WDR44: variants seen among roughly 807,000 people sequenced by gnomAD.
The protein encoded by WDR44 is WD repeat domain 44.
A neutral mutation model predicts 65.7 loss-of-function variants in WDR44; 9 were observed. That is an observed-to-expected ratio of 0.14 (90% CI 0.08 to 0.24). The LOEUF (loss-of-function observed/expected upper bound fraction) is 0.24, where lower values mean the gene tolerates loss of function less well. WDR44 is among the 10% of genes least tolerant of loss of function. The pLI, the probability that WDR44 is intolerant of heterozygous loss-of-function variation, is 1.00. For synonymous variants in WDR44, 220 were observed against 235.2 expected, an observed-to-expected ratio of 0.94 and a Z score of 0.59; for missense variants, 425 against 670.9, an observed-to-expected ratio of 0.63 and a Z score of 4.05.
Position 118,392,628 on chromosome X carries a change from T to A in WDR44, c.187-4T>A. On this transcript the variant is annotated splice_region_variant and splice_polypyrimidine_tract_variant and intron_variant, in intron 3 of 19. Transcript: ENST00000254029. ...TTAAAAACTACTTTTAACCCTTTCA[T>A]CAGATTATTGAAAGTATTATTGAGG... The A allele has an allele frequency of 8.5e-7, 1 of 1,179,030 alleles. No homozygotes were observed. The highest frequency in any genetic ancestry group is 1.1e-6 in the Non-Finnish European group (1 of 877,970).
In WDR44 at chrX:118,361,950, A is replaced by C. The variant is rs2056516024; in HGVS notation, c.77+15370A>C. ...CTATGAAAAACCAAGTTAGATTCCT[A>C]CTAGTCAGCCACGTCAGTAGCTGAT... On this transcript the variant is annotated intron_variant, in intron 1 of 19. Coordinates refer to ENST00000254029, the MANE Select transcript of WDR44 (RefSeq NM_019045.5). 2.7e-5 allele frequency among the ~76,000 whole-genome samples: 3 copies of C among 112,385 alleles called. No homozygotes were observed. In the South Asian group the frequency reaches 1.1e-3, roughly 41 times the overall value.
Position 118,402,360 on chromosome X carries a change from A to C in WDR44, c.1275-1978A>C, listed in dbSNP as rs1343749575. On this transcript the variant is annotated intron_variant, in intron 8 of 19. Coordinates refer to ENST00000254029, the MANE Select transcript of WDR44 (RefSeq NM_019045.5). ...TGAAGCAGGAGAATTGCTTGAACCC[A>C]GGAGGCAGAGATTGCAGTGAGCTGA... 3.0e-5 allele frequency among the ~76,000 whole-genome samples: 3 copies of C among 101,337 alleles called. No homozygotes were observed. The East Asian group carries it at 9.6e-4, about 32-fold the overall frequency. The allele number at this position is 101,337 out of a possible 115,157, so 88.0% of individuals were successfully genotyped here.
intron 1 of WDR44, among the ~76,000 whole-genome samples, chrX:118,366,194 C>T (rs1569358328): frequency 8.9e-6 from 1 of 111,938 alleles, no homozygotes; most frequent in African/African-American, 3.2e-5. Flanking sequence ...TAGCCTTTTA[C>T]ATTATAATAA....
chrX:118,423,171 AGTT>A (rs1174248269), intron 12 of WDR44, among the ~76,000 whole-genome samples: 1 of 110,666 alleles, frequency 9.0e-6, no homozygotes, highest in Non-Finnish European at 1.9e-5. Flanking sequence ...TATAATATAA[AGTT>A]GTTTTTTTTT....
Position 118,406,919 on chromosome X carries a change from G to A in WDR44, c.1426G>A (p.Gly476Arg). Residue 476 changes from glycine (G) to arginine (R), a missense_variant, in exon 10 of 20, where the codon GGA becomes AGA. By Grantham distance (125) the Gly-to-Arg change is moderately radical. Transcript: ENST00000254029. ...TGATCCTTCATCAAGTGATGATGAA[G>A]GAATGCCATACACAAGACCAGTTAA... ...QDDPSSSDDE[G>R]MPYTRPVKFK... 1 of 1,210,099 alleles carries A rather than the reference G, an allele frequency of 8.3e-7. No homozygotes were observed. The highest frequency in any genetic ancestry group is 1.1e-6 in the Non-Finnish European group (1 of 894,355).
At chrX:118,370,226 G>T (rs1231037697) in intron 1 of WDR44, among the ~76,000 whole-genome samples, 1 of 112,075 alleles carries the variant, frequency 8.9e-6, no homozygotes, top group Non-Finnish European at 1.9e-5. Flanking sequence ...ACAACCTACA[G>T]ATTGGGAGAA....
intron 6 of WDR44, 21 bp from the exon 7 acceptor site, chrX:118,396,949 G>GT (rs762713572): frequency 0.023 from 18,135 of 775,783 alleles, no homozygotes; most frequent in Non-Finnish European, 0.025. Flanking sequence ...TGGTGTGATT[G>GT]TTTTTTTTTT....
At chrX:118,347,969 G>C (rs968521872) in intron 1 of WDR44, among the ~76,000 whole-genome samples, 1 of 111,151 alleles carries the variant, frequency 9.0e-6, no homozygotes, top group Non-Finnish European at 1.9e-5. Context: ...CTTAATTTTT[G>C]TGTGTGTGGT....
chrX:118,446,892 C>A (rs190385996), intron 19 of WDR44, among the ~76,000 whole-genome samples: 1 of 109,731 alleles, frequency 9.1e-6, no homozygotes, highest in Admixed American at 9.9e-5. Context: ...GAATGAATGA[C>A]ATGGTGTCGC....
intron 1 of WDR44, among the ~76,000 whole-genome samples, chrX:118,368,086 G>A (rs1037530552): frequency 3.6e-5 from 4 of 111,672 alleles, no homozygotes; most frequent in Admixed American, 1.9e-4. Flanking sequence ...TAGAGAGTCA[G>A]GTTTAGCAAG....
At chrX:118,383,581 ATAAT>A (rs781092631) in intron 2 of WDR44, among the ~76,000 whole-genome samples, 1 of 112,140 alleles carries the variant, frequency 8.9e-6, no homozygotes, top group African/African-American at 3.2e-5. Flanking sequence ...TTGGATAAAA[ATAAT>A]TAGTAGGACA....
intron 1 of WDR44, among the ~76,000 whole-genome samples, chrX:118,366,385 C>A (rs911547902): frequency 9.0e-6 from 1 of 111,078 alleles, no homozygotes; most frequent in African/African-American, 3.3e-5. Context: ...GTGCCCATTC[C>A]ATCCCTCCAA....
intron 19 of WDR44, chrX:118,447,177 T>C (rs374048514): frequency 4.7e-4 from 112 of 238,346 alleles, no homozygotes; most frequent in Non-Finnish European, 6.3e-5. Flanking sequence ...CTGGCCTTTT[T>C]TTCTTTTCTT....
chrX:118,379,692 A>C (rs2056697141), intron 2 of WDR44, among the ~76,000 whole-genome samples: 2 of 111,881 alleles, frequency 1.8e-5, no homozygotes, highest in African/African-American at 3.2e-5. Context: ...AGAAGGATAC[A>C]CAAGAGACTT....
intron 1 of WDR44, among the ~76,000 whole-genome samples, chrX:118,377,552 G>T (rs1271197802): frequency 3.6e-5 from 4 of 110,527 alleles, no homozygotes; most frequent in African/African-American, 1.3e-4. Flanking sequence ...TTTGGTGAGG[G>T]TATTAAGAAA....
At chrX:118,420,367 C>T (rs1250868211) in intron 12 of WDR44, among the ~76,000 whole-genome samples, 1 of 110,834 alleles carries the variant, frequency 9.0e-6, no homozygotes, top group Non-Finnish European at 1.9e-5. Flanking sequence ...GTTCTCCTGC[C>T]TCAGCCTCCC....
At chrX:118,436,120 C>T (rs2057252117) in intron 13 of WDR44, among the ~76,000 whole-genome samples, 1 of 112,310 alleles carries the variant, frequency 8.9e-6, no homozygotes, top group African/African-American at 3.2e-5. Context: ...AAGTCAGTTA[C>T]ACTACCATCT....
intron 2 of WDR44, among the ~76,000 whole-genome samples, chrX:118,384,473 A>C (rs765846911): frequency 3.4e-4 from 38 of 112,070 alleles, no homozygotes; most frequent in Non-Finnish European, 7.1e-4. Context: ...GGTTTGTCGA[A>C]GATCAGATAG....
chrX:118,404,679 G>A (rs1252190727), intron 9 of WDR44, among the ~76,000 whole-genome samples: 1 of 112,023 alleles, frequency 8.9e-6, no homozygotes, highest in Non-Finnish European at 1.9e-5. Context: ...TAAATAATCA[G>A]TTATGAATTA....
Sources: gnomAD v4.1 joint callset for allele counts (sites outside exome capture counted in the v4.1 genomes callset) on GRCh38, gnomAD v4.1.1 for gene constraint, MANE v1.5 for transcripts, NCBI Gene and HGNC (gene_info 2026-07-23, HGNC 2026-07-21) for gene names.